The following ZNF444 variants were observed in gnomAD, a reference collection of about 807,000 sequenced individuals.
The protein encoded by ZNF444 is zinc finger protein 444.
ZNF444 carries 8 observed loss-of-function variants against 14.4 expected under a neutral mutation model. The observed-to-expected ratio is 0.56, with a 90% CI of 0.33 to 1.00. The LOEUF is 1.00. Ranked by LOEUF, ZNF444 falls within the 50% of genes least tolerant of loss-of-function variation. The probability of loss-of-function intolerance (pLI) is 0.03; values close to 1 mark genes in which losing one functional copy is unlikely to be tolerated. For synonymous variants in ZNF444, 258 were observed against 235.9 expected, an observed-to-expected ratio of 1.09 and a Z score of -0.86; for missense variants, 510 against 504.8, an observed-to-expected ratio of 1.01 and a Z score of -0.10.
At chr19:56,157,927 G>C (rs1306383422) in intron 3 of ZNF444, 1 of 152,088 alleles carries the variant, frequency 6.6e-6, no homozygotes, top group Non-Finnish European at 1.5e-5. Flanking sequence ...TGGTCTTCCT[G>C]GTTGGTGCCG....
rs747020703 is a variant in ZNF444, at chr19:56,160,231, C to T, written c.*30C>T. On this transcript the variant is annotated 3_prime_UTR_variant, in exon 5 of 5. Coordinates refer to ENST00000337080, the MANE Select transcript of ZNF444 (RefSeq NM_018337.4). ...CTCCCGGCCAGCGCCATCTCCCGCC[C>T]TTGGTGCTGCCCCCGGGCGGTACCT... The T allele has an allele frequency of 6.0e-5, 84 of 1,406,970 alleles. No individual in the cohort carries two copies. In the African/African-American group the frequency reaches 1.3e-3, roughly 21 times the overall value. 87.2% of individuals were successfully genotyped at this position (1,406,970 alleles called of 1,614,324 possible).
chr19:56,140,378 T>C (rs1294386164), upstream of ZNF444, among the ~76,000 whole-genome samples: 1 of 152,100 alleles, frequency 6.6e-6, no homozygotes, highest in East Asian at 1.9e-4. Flanking sequence ...AAAATCCAAA[T>C]ATGCTTCTTC....
intron 1 of ZNF444, among the ~76,000 whole-genome samples, chr19:56,133,806 C>G (rs1387890756): frequency 1.7e-5 from 1 of 58,348 alleles, no homozygotes; most frequent in African/African-American, 8.4e-5. Flanking sequence ...GAGCAAGACT[C>G]CATCTCAAAA....
At chr19:56,158,635 A>G (rs1737934362) in intron 4 of ZNF444, 33 bp downstream of exon 4, 2 of 1,555,060 alleles carry the variant, frequency 1.3e-6, no homozygotes, top group Admixed American at 3.6e-5. Context: ...TCTCCCCGCC[A>G]GCCCCCAGCA....
rs891886397 is a variant in ZNF444 at position 56,159,939 on chromosome 19, G to C, written c.722G>C (p.Arg241Pro). 2 of 1,499,812 alleles carry C rather than the reference G, an allele frequency of 1.3e-6. No homozygotes were observed. Among genetic ancestry groups the C allele is most frequent in the African/African-American group, 2.9e-5 (2 of 68,084 alleles). The allele number at this position is 1,499,812 out of a possible 1,614,324, so 92.9% of individuals were successfully genotyped here. Reference protein sequence around the residue: ...GSPGSPGPALRPLPAREKPHA... With the variant: ...GSPGSPGPALPPLPAREKPHA... ...CCCGGCAGCCCCGGGCCCGCGCTGC[G>C]CCCTCTGCCCGCCCGTGAGAAGCCC... Residue 241 changes from arginine (R) to proline (P), a missense_variant, in exon 5 of 5, where the codon CGC becomes CCC. Arg to Pro is a moderately radical substitution (Grantham distance 103). Transcript: ENST00000337080.
chr19:56,143,152 G>A (rs1358486709), intron 1 of ZNF444, among the ~76,000 whole-genome samples: 1 of 152,216 alleles, frequency 6.6e-6, no homozygotes, highest in Non-Finnish European at 1.5e-5. Flanking sequence ...TTGGATGGTA[G>A]GGTGGATTGA....
chr19:56,138,585 A>G (rs868738133), upstream of ZNF444, among the ~76,000 whole-genome samples: 2 of 152,176 alleles, frequency 1.3e-5, no homozygotes, highest in Admixed American at 6.5e-5. Flanking sequence ...GTGAGCCAAG[A>G]CTGAGCCACT....
At chr19:56,137,521 T>C (rs2030639386), upstream of ZNF444, among the ~76,000 whole-genome samples, 1 of 151,318 alleles carries the variant, frequency 6.6e-6, no homozygotes, top group Non-Finnish European at 1.5e-5. Context: ...TGAAACATAG[T>C]GATGAAGAAG....
intron 3 of ZNF444, chr19:56,156,312 G>A (rs1391856078): frequency 6.6e-6 from 1 of 152,242 alleles, no homozygotes; most frequent in Non-Finnish European, 1.5e-5. Context: ...CTTTTATGGA[G>A]ACTTGGTTGA....
In ZNF444 at chr19:56,147,223, ACTGCAAGCGGGG is replaced by A; in HGVS notation, c.297+16_297+27del. The A allele has an allele frequency of 7.1e-7, 1 of 1,414,280 alleles. No individual in the cohort carries two copies. The highest frequency in any genetic ancestry group is 9.2e-7 in the Non-Finnish European group (1 of 1,089,540). The allele number at this position is 1,414,280 out of a possible 1,614,324, so 87.6% of individuals were successfully genotyped here. ...AGGAGCTCTGGGTGAGCCTGGCGGG[ACTGCAAGCGGGG>A]AAGGGAGAGGGGAAGGTGCCAGGGA... On this transcript the variant is annotated intron_variant, in intron 3 of 4. Transcript: ENST00000337080. This position sits in a 1 kb window ranked among gnomAD's most constrained non-coding sequence, Gnocchi z 5.9.
In ZNF444 at chr19:56,160,022, C is replaced by T. The variant is rs1568567901; in HGVS notation, c.805C>T (p.Arg269Cys). 4.0e-6 allele frequency: 6 copies of T among 1,512,486 alleles called. No homozygotes were observed. The highest frequency in any genetic ancestry group is 5.3e-6 in the Non-Finnish European group (6 of 1,136,024). The allele number at this position is 1,512,486 out of a possible 1,614,324, so 93.7% of individuals were successfully genotyped here. ...FYWREHLVRH[R>C]KTHSGARPFA... is the part of the protein sequence containing the mutation. ...CTGGCGCGAGCACCTGGTGCGCCAC[C>T]GCAAGACGCACTCGGGAGCGCGGCC... Residue 269 changes from arginine to cysteine, a missense_variant, in exon 5 of 5, where the codon CGC (arginine) becomes TGC (cysteine). By Grantham distance (180) the Arg-to-Cys change is radical. Coordinates refer to ENST00000337080, the MANE Select transcript of ZNF444 (RefSeq NM_018337.4).
In ZNF444 at chr19:56,132,935, C is replaced by CTTTT. The variant is rs61365745; in HGVS notation, c.-197+174_-197+177dup. Among the ~76,000 whole-genome samples the CTTTT allele has an allele frequency of 3.6e-3, 344 of 94,268 alleles. 34 individuals are homozygous for CTTTT. Among genetic ancestry groups the CTTTT allele is most frequent in the African/African-American group, 0.011 (253 of 23,660 alleles). The allele number at this position is 94,268 out of a possible 152,430, so 61.8% of individuals were successfully genotyped here. A position where few individuals can be genotyped will look rare whatever the true frequency, so the allele number is the denominator to read the frequency against. ...TTTCTTTTTCTTTCTTTCTTTCTTT[C>CTTTT]TTTTTTTTTTTTTTTTTTTTGAGAC... On this transcript the variant is annotated intron_variant, in intron 1 of 2. Transcript: ENST00000587467.
intron 3 of ZNF444, chr19:56,157,896 G>A (rs1267207952): frequency 6.6e-6 from 1 of 152,150 alleles, no homozygotes; most frequent in African/African-American, 2.4e-5. Flanking sequence ...CAACGAGTTG[G>A]ACTGAAACTT....
intron 1 of ZNF444, among the ~76,000 whole-genome samples, chr19:56,133,192 C>T (rs2030528817): frequency 6.6e-6 from 1 of 151,922 alleles, no homozygotes; most frequent in African/African-American, 2.4e-5. Flanking sequence ...CCCACCTCGG[C>T]CTCCCAAAGT....
At chr19:56,138,198 T>C (rs2030654840), upstream of ZNF444, among the ~76,000 whole-genome samples, 1 of 152,140 alleles carries the variant, frequency 6.6e-6, no homozygotes, top group African/African-American at 2.4e-5. Context: ...TTAGGCAATC[T>C]TTAAAAGGAA....
At chr19:56,133,768 G>T (rs890085773) in intron 1 of ZNF444, among the ~76,000 whole-genome samples, 15 of 148,144 alleles carry the variant, frequency 1.0e-4, no homozygotes, top group African/African-American at 3.5e-4. Context: ...AGCCAAGATC[G>T]CGCCACTGCA....
intron 3 of ZNF444, chr19:56,156,142 C>T (rs890561102): frequency 1.3e-5 from 2 of 152,238 alleles, no homozygotes; most frequent in Non-Finnish European, 2.9e-5. Flanking sequence ...TGGAGAGCCA[C>T]GTATGGTGAG....
intron 4 of ZNF444, 59 bp from the exon 5 acceptor site, chr19:56,159,565 G>T: frequency 7.2e-7 from 1 of 1,382,614 alleles, no homozygotes; most frequent in Non-Finnish European, 9.4e-7. Context: ...ACCCCAGCCT[G>T]TGCTGTCCTT....
chr19:56,156,646 C>G (rs1045244078), intron 3 of ZNF444: 2 of 152,250 alleles, frequency 1.3e-5, no homozygotes, highest in Non-Finnish European at 1.5e-5. Flanking sequence ...CAGGGAGAGA[C>G]TCTTTTTCTG....
Sources: allele counts gnomAD v4.1 joint callset (sites outside exome capture counted in the v4.1 genomes callset), GRCh38; gene constraint gnomAD v4.1.1; non-coding constraint Gnocchi (gnomAD v3.1); transcripts MANE v1.5; gene names NCBI Gene and HGNC (gene_info 2026-07-23, HGNC 2026-07-21).